Variants in FEM1A observed in about 807,000 individuals in gnomAD.
The protein encoded by FEM1A is protein fem-1 homolog A.
A neutral mutation model predicts 0.7 loss-of-function variants in FEM1A; 1 was observed. The ratio of observed to expected loss-of-function variants is 1.35; its 90% CI spans 0.48 to 6.40. The LOEUF (loss-of-function observed/expected upper bound fraction) is 6.40. Ranked by LOEUF, FEM1A falls within the 30% of genes most tolerant of loss-of-function variation. The pLI is 0.14. For synonymous variants in FEM1A, 391 were observed against 420.6 expected (o/e 0.93, Z 0.86); for missense variants, 721 against 918.7 (o/e 0.78, Z 2.78).
Position 4,792,024 on chromosome 19 carries a change from T to C in FEM1A, c.170T>C (p.Val57Ala), listed in dbSNP as rs1231806810. 4 of 1,539,460 alleles carry C rather than the reference T, an allele frequency of 2.6e-6. No homozygotes were observed. The highest frequency in any genetic ancestry group is 1.4e-5 in the African/African-American group (1 of 72,746). The stretch of plus-strand genomic sequence containing the variant: ...GCCCGCTACGGCCACCTGGACGTGG[T>C]GGAGTACCTGGTGGACCGGTGCGGC... ...IAARYGHLDV[V>A]EYLVDRCGAS... Residue 57 changes from valine (V) to alanine (A), a missense_variant, in exon 1 of 1, where the codon GTG (valine) becomes GCG (alanine). Around this residue, in one of 4 missense-constraint regions of FEM1A, gnomAD observed 195 missense variants for 316.9 expected, o/e 0.62. Coordinates refer to ENST00000269856, the MANE Select transcript of FEM1A (RefSeq NM_018708.3). This position sits in a 1 kb window ranked among gnomAD's most constrained non-coding sequence, Gnocchi z 6.7.
rs2093566619 is a variant in FEM1A, at chr19:4,799,979, G to A, written c.*6115G>A. The A allele has an allele frequency of 5.9e-5, 8 of 136,122 alleles. No individual in the cohort carries two copies. In the Admixed American group the frequency reaches 6.2e-4, roughly 11 times the overall value. 8.4% of individuals were successfully genotyped at this position (136,122 alleles called of 1,614,324 possible). A position where few individuals can be genotyped will look rare whatever the true frequency, so the allele number is the denominator to read the frequency against. Reference sequence around the variant, plus strand: ...AGGGTAGCAAAAAATGTTCACAATAGTAAAATGACTACCTGCCGTTGATCA... The same window carrying A: ...AGGGTAGCAAAAAATGTTCACAATAATAAAATGACTACCTGCCGTTGATCA... On this transcript the variant is annotated 3_prime_UTR_variant, in exon 1 of 1. Transcript: ENST00000269856.
rs2093557468 is a variant in FEM1A, at chr19:4,793,597, C to T, written c.1743C>T (p.Asn581=). The T allele has an allele frequency of 1.2e-6, 2 of 1,612,848 alleles. No individual in the cohort carries two copies. Among genetic ancestry groups the T allele is most frequent in the Non-Finnish European group, 8.5e-7 (1 of 1,179,868 alleles). ...GADPDSRDFD[N]NTPLHIAAQN... ...ACCCGGACAGCAGGGATTTTGACAA[C>T]AACACCCCGCTACACATAGCAGCCC... The change falls in exon 1 of 1, where the codon AAC becomes AAT. Residue 581 remains asparagine, a synonymous_variant. Coordinates refer to ENST00000269856, the MANE Select transcript of FEM1A (RefSeq NM_018708.3). The surrounding 1 kb of genome is among the most constrained non-coding windows in gnomAD (Gnocchi z 5.1).
Position 4,792,214 on chromosome 19 carries a change from C to T in FEM1A, c.360C>T (p.Leu120=). Residue 120 remains leucine, a synonymous_variant, in exon 1 of 1, where the codon CTC becomes CTT. Coordinates refer to ENST00000269856, the MANE Select transcript of FEM1A (RefSeq NM_018708.3). The surrounding 1 kb of genome is among the most constrained non-coding windows in gnomAD (Gnocchi z 6.7). ...NRTTRTNSTP[L]RAACFDGHLE... ...CCACGCGCACCAACTCCACGCCTCT[C>T]CGCGCCGCCTGCTTCGACGGCCACC... 1 of 1,502,270 alleles carries T rather than the reference C, an allele frequency of 6.7e-7. No individual in the cohort carries two copies. Among genetic ancestry groups the T allele is most frequent in the Non-Finnish European group, 8.9e-7 (1 of 1,126,500 alleles). 93.1% of individuals were successfully genotyped at this position (1,502,270 alleles called of 1,614,324 possible).
At position 4,795,922 on chromosome 19, in the gene FEM1A, C is replaced by G. The variant is rs62113928; in HGVS notation, c.*2058C>G. The G allele has an allele frequency of 1.3e-5, 2 of 152,152 alleles. No homozygotes were observed. The highest frequency in any genetic ancestry group is 2.9e-5 in the Non-Finnish European group (2 of 68,120). 9.4% of individuals were successfully genotyped at this position (152,152 alleles called of 1,614,324 possible). ...TGTTGGCCAGGCTGGTCTCAAACTC[C>G]TGAACTCAAGCGATCCTCCCACCTC... On this transcript the variant is annotated 3_prime_UTR_variant, in exon 1 of 1. Transcript: ENST00000269856.
chr19:4,800,993 C>G lies in FEM1A; in HGVS notation c.*7129C>G, dbSNP rs574520213. On this transcript the variant is annotated 3_prime_UTR_variant, in exon 1 of 1. Coordinates refer to ENST00000269856, the MANE Select transcript of FEM1A (RefSeq NM_018708.3). ...CCGGGCCGAATGTGGGTGGCACCGC[C>G]CCTGTGCTGGGCCAGGAGAATGTGC... is the stretch of plus-strand genomic sequence containing the variant. 6.6e-6 allele frequency: 1 copy of G among 152,266 alleles called. No individual in the cohort carries two copies. Among genetic ancestry groups the G allele is most frequent in the East Asian group, 1.9e-4 (1 of 5,166 alleles). 9.4% of individuals were successfully genotyped at this position (152,266 alleles called of 1,614,324 possible). A position where few individuals can be genotyped will look rare whatever the true frequency, so the allele number is the denominator to read the frequency against.
rs553391276 is a variant in FEM1A at position 4,794,786 on chromosome 19, C to T, written c.*922C>T. 6.0e-6 allele frequency: 1 copy of T among 167,012 alleles called. No individual in the cohort carries two copies. Among genetic ancestry groups the T allele is most frequent in the African/African-American group, 2.4e-5 (1 of 41,544 alleles). The allele number at this position is 167,012 out of a possible 1,614,324, so 10.3% of individuals were successfully genotyped here. ...ACAGGCCTTTCCAAGTTTCCATTCT[C>T]CTTAGAGAGAGAACTGTGCTTCCAA... is the stretch of plus-strand genomic sequence containing the variant. On this transcript the variant is annotated 3_prime_UTR_variant, in exon 1 of 1. Coordinates refer to ENST00000269856, the MANE Select transcript of FEM1A (RefSeq NM_018708.3).
At position 4,793,231 on chromosome 19, in the gene FEM1A, C is replaced by A. The variant is rs768734615; in HGVS notation, c.1377C>A (p.Ile459=). 7 of 1,613,458 alleles carry A rather than the reference C, an allele frequency of 4.3e-6. No homozygotes were observed. Among genetic ancestry groups the A allele is most frequent in the Non-Finnish European group, 3.4e-6 (4 of 1,180,036 alleles). Reference sequence around the variant, plus strand: ...CCAAAGGCAGCCTGGGCACCCAGATCGGCTTTGCAGACCTCATGGGGGTTC... The same window carrying A: ...CCAAAGGCAGCCTGGGCACCCAGATAGGCTTTGCAGACCTCATGGGGGTTC... The part of the protein sequence containing the change: ...RAAKGSLGTQ[I]GFADLMGVLT... Residue 459 remains isoleucine, a synonymous_variant, in exon 1 of 1, where the codon ATC becomes ATA. Coordinates refer to ENST00000269856, the MANE Select transcript of FEM1A (RefSeq NM_018708.3). The surrounding 1 kb of genome is among the most constrained non-coding windows in gnomAD (Gnocchi z 5.1).
chr19:4,791,946 T>A lies in FEM1A; in HGVS notation c.92T>A (p.Leu31Gln). The A allele has an allele frequency of 1.3e-6, 2 of 1,531,214 alleles. No homozygotes were observed. The highest frequency in any genetic ancestry group is 2.8e-5 in the African/African-American group (2 of 72,346). The allele number at this position is 1,531,214 out of a possible 1,614,324, so 94.9% of individuals were successfully genotyped here. A position where few individuals can be genotyped will look rare whatever the true frequency, so the allele number is the denominator to read the frequency against. The change falls in exon 1 of 1, where the codon CTG becomes CAG. Residue 31 changes from leucine to glutamine, a missense_variant. Physicochemically the swap from Leu to Gln is moderately radical, Grantham distance 113. Transcript: ENST00000269856. ...CTCAGCGGCCGGAGCCGGGAGGAAC[T>A]GGACGAGCTGACGGGCGAGGTGGCC... is the stretch of plus-strand genomic sequence containing the variant. ...KLLSGRSREELDELTGEVAGG... is the reference protein window; with the variant it reads ...KLLSGRSREEQDELTGEVAGG...
Position 4,791,767 on chromosome 19 carries a change from T to G in FEM1A, c.-88T>G. The stretch of plus-strand genomic sequence containing the variant: ...CCTAAGATGGCGGCGAGGGGGACGG[T>G]GAAGGTTGCCTCCCGCCCGTCCGGG... On this transcript the variant is annotated 5_prime_UTR_variant, in exon 1 of 1. Transcript: ENST00000269856. 7.6e-7 allele frequency: 1 copy of G among 1,309,972 alleles called. No individual in the cohort carries two copies. The highest frequency in any genetic ancestry group is 1.0e-6 in the Non-Finnish European group (1 of 1,002,218). 81.1% of individuals were successfully genotyped at this position (1,309,972 alleles called of 1,614,324 possible).
In FEM1A at chr19:4,793,085, C is replaced by T. The variant is rs1181945925; in HGVS notation, c.1231C>T (p.Arg411Cys). The T allele has an allele frequency of 1.1e-5, 17 of 1,613,658 alleles. No homozygotes were observed. Among genetic ancestry groups the T allele is most frequent in the Non-Finnish European group, 1.4e-5 (17 of 1,180,016 alleles). The change falls in exon 1 of 1, where the codon CGC becomes TGC. Residue 411 changes from arginine (R) to cysteine (C), a missense_variant. Arg to Cys is a radical substitution (Grantham distance 180). Transcript: ENST00000269856. This position sits in a 1 kb window ranked among gnomAD's most constrained non-coding sequence, Gnocchi z 5.1. ...CTCGGGCAATTTCGAGCGCTGCATC[C>T]GCTTGTGGAAGTACGCCCTGGACAT... ...ADSGNFERCI[R>C]LWKYALDMQQ... is the part of the protein sequence containing the mutation.
Position 4,792,926 on chromosome 19 carries a change from G to A in FEM1A, c.1072G>A (p.Glu358Lys), listed in dbSNP as rs543060343. Residue 358 changes from glutamate (E) to lysine (K), a missense_variant, in exon 1 of 1, where the codon GAG becomes AAG. Physicochemically the swap from Glu to Lys is moderately conservative, Grantham distance 56. This residue lies in a region of FEM1A where 379 missense variants were observed against 454.8 expected (regional missense o/e 0.83). Transcript: ENST00000269856. This position sits in a 1 kb window ranked among gnomAD's most constrained non-coding sequence, Gnocchi z 6.7. The stretch of plus-strand genomic sequence containing the variant: ...CTATTCCAGGGAGGTCAACACCACC[G>A]AGGAGCTGGAGGCGCTGATCACCGA... Reference protein sequence around the residue: ...YDYSREVNTTEELEALITDPD... With the variant: ...YDYSREVNTTKELEALITDPD... 6.0e-5 allele frequency: 96 copies of A among 1,612,324 alleles called. 1 individual carries two copies. In the South Asian group the frequency reaches 9.8e-4, roughly 16 times the overall value.
In FEM1A at chr19:4,801,146, A is replaced by C. The variant is rs1163150130; in HGVS notation, c.*7282A>C. ...TCCACCCTGTGCCTTGATATCTCCT[A>C]TTAAAGCTTGTGTTTGAATGTCTGT... On this transcript the variant is annotated 3_prime_UTR_variant, in exon 1 of 1. Transcript: ENST00000269856. 6.6e-6 allele frequency: 1 copy of C among 152,174 alleles called. No individual in the cohort carries two copies. Among genetic ancestry groups the C allele is most frequent in the Non-Finnish European group, 1.5e-5 (1 of 68,026 alleles). The allele number at this position is 152,174 out of a possible 1,614,324, so 9.4% of individuals were successfully genotyped here.
rs376091148 is a variant in FEM1A at position 4,793,309 on chromosome 19, C to T, written c.1455C>T (p.Pro485=). ...GGGCCCTGCAGCTGCCCAGGGAGCC[C>T]GGAGACTCAGCCCAGTTCACCAAGG... The part of the protein sequence containing the change: ...VERALQLPRE[P]GDSAQFTKAL... Residue 485 remains proline (P), a synonymous_variant, in exon 1 of 1, where the codon CCC becomes CCT. Transcript: ENST00000269856. This position sits in a 1 kb window ranked among gnomAD's most constrained non-coding sequence, Gnocchi z 5.1. The T allele has an allele frequency of 1.2e-6, 2 of 1,612,880 alleles. No individual in the cohort carries two copies. The highest frequency in any genetic ancestry group is 1.1e-5 in the South Asian group (1 of 91,058).
rs2093564104 is a variant in FEM1A, at chr19:4,798,354, A to C, written c.*4490A>C. On this transcript the variant is annotated 3_prime_UTR_variant, in exon 1 of 1. Transcript: ENST00000269856. ...CCGGGCGCGGTGGCAGACGCCTGTA[A>C]TCCCAGCACTTTGGGAGGCTGAGGC... 1 of 152,034 alleles carries C rather than the reference A, an allele frequency of 6.6e-6. No individual in the cohort carries two copies. Among genetic ancestry groups the C allele is most frequent in the African/African-American group, 2.4e-5 (1 of 41,334 alleles). 9.4% of individuals were successfully genotyped at this position (152,034 alleles called of 1,614,324 possible).
Position 4,793,691 on chromosome 19 carries a change from T to C in FEM1A, c.1837T>C (p.Phe613Leu), listed in dbSNP as rs1485767639. ...GGCCCACATGGACGCCACCAATGCC[T>C]TCAAGAAGACGGCCTACGAGCTGCT... ...AGAHMDATNA[F>L]KKTAYELLDE... The change falls in exon 1 of 1, where the codon TTC becomes CTC. Residue 613 changes from phenylalanine (F) to leucine (L), a missense_variant. Transcript: ENST00000269856. This position sits in a 1 kb window ranked among gnomAD's most constrained non-coding sequence, Gnocchi z 5.1. 3 of 1,612,622 alleles carry C rather than the reference T, an allele frequency of 1.9e-6. No individual in the cohort carries two copies. The South Asian group carries it at 3.3e-5, about 18-fold the overall frequency.
chr19:4,799,167 C>G lies in FEM1A; in HGVS notation c.*5303C>G, dbSNP rs1375331998. ...CGGTGGCTCACGCCTGTAATTCCAG[C>G]ACTTTGGGAGACCGAGGCAGGTGGA... On this transcript the variant is annotated 3_prime_UTR_variant, in exon 1 of 1. Coordinates refer to ENST00000269856, the MANE Select transcript of FEM1A (RefSeq NM_018708.3). 6.6e-6 allele frequency: 1 copy of G among 152,364 alleles called. No individual in the cohort carries two copies. The highest frequency in any genetic ancestry group is 1.5e-5 in the Non-Finnish European group (1 of 68,184). The allele number at this position is 152,364 out of a possible 1,614,324, so 9.4% of individuals were successfully genotyped here.
In FEM1A at chr19:4,798,290, A is replaced by C. The variant is rs527569787; in HGVS notation, c.*4426A>C. 6.6e-6 allele frequency: 1 copy of C among 151,458 alleles called. No individual in the cohort carries two copies. Among genetic ancestry groups the C allele is most frequent in the African/African-American group, 2.4e-5 (1 of 41,232 alleles). The allele number at this position is 151,458 out of a possible 1,614,324, so 9.4% of individuals were successfully genotyped here. On this transcript the variant is annotated 3_prime_UTR_variant, in exon 1 of 1. Coordinates refer to ENST00000269856, the MANE Select transcript of FEM1A (RefSeq NM_018708.3). ...CAGGTCCGGTATGGCAGGCGGGGGA[A>C]CTGAGGCTACTAAGAGACATTAAGA...
rs1196133255 is a variant in FEM1A, at chr19:4,791,887, C to G, written c.33C>G (p.Ala11=). The change falls in exon 1 of 1, where the codon GCC becomes GCG. Residue 11 remains alanine, a synonymous_variant. Coordinates refer to ENST00000269856, the MANE Select transcript of FEM1A (RefSeq NM_018708.3). MDLRTAVYNA[A]RDGKLQLLQK... ...TCCGCACCGCCGTGTACAACGCCGC[C>G]CGTGATGGCAAGCTGCAGCTGCTCC... 4 of 1,521,416 alleles carry G rather than the reference C, an allele frequency of 2.6e-6. No homozygotes were observed. Among genetic ancestry groups the G allele is most frequent in the Non-Finnish European group, 3.5e-6 (4 of 1,140,992 alleles). The allele number at this position is 1,521,416 out of a possible 1,614,324, so 94.2% of individuals were successfully genotyped here.
rs1436701365 is a variant in FEM1A at position 4,796,837 on chromosome 19, C to G, written c.*2973C>G. The G allele has an allele frequency of 2.0e-5, 3 of 152,310 alleles. No individual in the cohort carries two copies. The East Asian group carries it at 5.8e-4, about 29-fold the overall frequency. 9.4% of individuals were successfully genotyped at this position (152,310 alleles called of 1,614,324 possible). A position where few individuals can be genotyped will look rare whatever the true frequency, so the allele number is the denominator to read the frequency against. ...GAGGGTGGGTGTCTCCCATCTCTTG[C>G]CTTCACACACCTGCTGTCTTGTTTC... On this transcript the variant is annotated 3_prime_UTR_variant, in exon 1 of 1. Transcript: ENST00000269856.
Sources: allele counts gnomAD v4.1 joint callset, GRCh38; gene constraint gnomAD v4.1.1; regional missense constraint gnomAD v4.1.1; non-coding constraint Gnocchi (gnomAD v3.1); transcripts MANE v1.5; gene names NCBI Gene and HGNC (gene_info 2026-07-23, HGNC 2026-07-21).